The following PEX5 variants were observed in gnomAD, a reference collection of about 807,000 sequenced individuals.
The protein encoded by PEX5 is peroxisomal biogenesis factor 5.
Under a neutral mutation model 82.9 loss-of-function variants are expected in PEX5, and 52 were observed. The ratio of observed to expected loss-of-function variants is 0.63; its 90% CI spans 0.50 to 0.79. The LOEUF is 0.79. PEX5 is among the 30% of genes least tolerant of loss of function. The pLI, the probability that PEX5 is intolerant of heterozygous loss-of-function variation, is 0.00. For synonymous variants in PEX5, 300 were observed against 318.8 expected (o/e 0.94, Z 0.63); for missense variants, 719 against 815.2 (o/e 0.88, Z 1.44).
At position 7,195,008 on chromosome 12, in the gene PEX5, T is replaced by C. The variant is rs760664287; in HGVS notation, c.448+3308T>C. On this transcript the variant is annotated intron_variant, in intron 5 of 15. Transcript: ENST00000675855. ...GACATGGAAACTTAAGAAGGTTGAG[T>C]AACTAGTCTGAAGATGCACAGTGAA... Among the ~76,000 whole-genome samples, 5 of 152,336 alleles carry C rather than the reference T, an allele frequency of 3.3e-5. No individual in the cohort carries two copies. The South Asian group carries it at 6.2e-4, about 19-fold the overall frequency.
At position 7,202,705 on chromosome 12, in the gene PEX5, G is replaced by A; in HGVS notation, c.846+1G>A. 6.2e-7 allele frequency: 1 copy of A among 1,609,350 alleles called. No homozygotes were observed. Among genetic ancestry groups the A allele is most frequent in the South Asian group, 1.1e-5 (1 of 90,996 alleles). Reference sequence around the variant, plus strand: ...TGAACGAGCCAAGTCAGCTATAGAGGTGAGAGCAGATAGTGCAGGAGCAGA... The same window carrying A: ...TGAACGAGCCAAGTCAGCTATAGAGATGAGAGCAGATAGTGCAGGAGCAGA... On this transcript the variant is annotated splice_donor_variant, in intron 9 of 15. Transcript: ENST00000675855. LOFTEE classifies it high-confidence loss of function.
downstream of PEX5, among the ~76,000 whole-genome samples, chr12:7,215,113 T>G (rs1342890449): frequency 1.3e-5 from 2 of 152,108 alleles, no homozygotes; most frequent in African/African-American, 4.8e-5. Context: ...AACAGACACT[T>G]TTCAAAATAA....
intron 4 of PEX5, 31 bp downstream of exon 4, chr12:7,191,389 C>A: frequency 6.2e-7 from 1 of 1,613,958 alleles, no homozygotes; most frequent in Non-Finnish European, 8.5e-7. Context: ...GAGGGGAGAT[C>A]GTTTTCCATG....
At chr12:7,212,226 A>G (rs775206007), downstream of PEX5, among the ~76,000 whole-genome samples, 10 of 152,056 alleles carry the variant, frequency 6.6e-5, no homozygotes, top group African/African-American at 1.9e-4. Flanking sequence ...CGGCCTCCCA[A>G]AGTGCTGGGA....
intron 7 of PEX5, 179 bp from the exon 8 acceptor site, chr12:7,202,062 C>A: frequency 1.0e-6 from 1 of 987,410 alleles, no homozygotes; most frequent in Non-Finnish European, 1.5e-6. Context: ...CTTTGCAAGT[C>A]TTTAGAGCCA....
chr12:7,201,782 C>T lies in PEX5; in HGVS notation c.583C>T (p.Gln195Ter), dbSNP rs890363450. 1.1e-5 allele frequency: 17 copies of T among 1,613,762 alleles called. No individual in the cohort carries two copies. Among genetic ancestry groups the T allele is most frequent in the Non-Finnish European group, 1.2e-5 (14 of 1,179,806 alleles). ...YDEYHPEEDLQHTASDFVAKV... is the reference protein window; with the variant it reads ...YDEYHPEEDL Reference sequence around the variant, plus strand: ...TGAATATCATCCTGAGGAGGATCTGCAGCACACGGCCAGTGACTTTGTGGC... The same window carrying T: ...TGAATATCATCCTGAGGAGGATCTGTAGCACACGGCCAGTGACTTTGTGGC... The change falls in exon 7 of 16, where the codon CAG (glutamine) becomes TAG (stop). Residue 195 changes from glutamine (Q) to a stop codon, truncating the protein, a stop_gained. Transcript: ENST00000675855. LOFTEE classifies it high-confidence loss of function.
At chr12:7,199,837 ACCCC>A (rs1437539916) in intron 6 of PEX5, among the ~76,000 whole-genome samples, 1 of 121,788 alleles carries the variant, frequency 8.2e-6, no homozygotes, top group Non-Finnish European at 1.7e-5. Context: ...CGGGGGGCTG[ACCCC>A]CACCTCCCTC....
At chr12:7,194,036 C>T (rs1430221658) in intron 5 of PEX5, among the ~76,000 whole-genome samples, 2 of 152,092 alleles carry the variant, frequency 1.3e-5, no homozygotes, top group Non-Finnish European at 2.9e-5. Flanking sequence ...GAATTGAGAT[C>T]TGGGAGAAAA....
At chr12:7,211,866 G>A (rs138416684), downstream of PEX5, among the ~76,000 whole-genome samples, 14 of 151,946 alleles carry the variant, frequency 9.2e-5, no homozygotes, top group East Asian at 2.5e-3. Flanking sequence ...ATCAAGATGG[G>A]TATTTATCCT....
intron 2 of PEX5, 124 bp from the exon 3 acceptor site, chr12:7,190,764 G>A (rs1940929395): frequency 1.5e-6 from 2 of 1,305,974 alleles, no homozygotes; most frequent in South Asian, 2.4e-5. Context: ...AAAACCCTGT[G>A]CACCTTTAAA....
downstream of PEX5, among the ~76,000 whole-genome samples, chr12:7,216,278 A>C (rs749849034): frequency 1.4e-4 from 21 of 152,188 alleles, no homozygotes; most frequent in African/African-American, 4.8e-4. Flanking sequence ...CAAATTCCTT[A>C]AACACTCACA....
At chr12:7,214,114 C>A (rs1217041461), downstream of PEX5, among the ~76,000 whole-genome samples, 1 of 152,282 alleles carries the variant, frequency 6.6e-6, no homozygotes, top group East Asian at 1.9e-4. Flanking sequence ...AACACTTTTA[C>A]ACTGTTGGTG....
chr12:7,208,653 G>A lies in PEX5; in HGVS notation c.1378G>A (p.Gly460Arg). 6.2e-7 allele frequency: 1 copy of A among 1,613,542 alleles called. No homozygotes were observed. Among genetic ancestry groups the A allele is most frequent in the Non-Finnish European group, 8.5e-7 (1 of 1,179,640 alleles). Residue 460 changes from glycine (G) to arginine (R), a missense_variant, in exon 13 of 16, where the codon GGA becomes AGA. By Grantham distance (125) the Gly-to-Arg change is moderately radical. Coordinates refer to ENST00000675855, the MANE Select transcript of PEX5 (RefSeq NM_001351132.2). ...ACTGGGCCCCAGCAAGCGTATCCTG[G>A]GATCTCTCTTGTCTGAGTGAGTATG... ...AGLGPSKRIL[G>R]SLLSDSLFLE...
At chr12:7,203,224 C>CAG (rs1565707799) in intron 9 of PEX5, among the ~76,000 whole-genome samples, 2 of 143,854 alleles carry the variant, frequency 1.4e-5, no homozygotes, top group African/African-American at 2.6e-5. Context: ...CACTGCACTA[C>CAG]ATTACATTTC....
At chr12:7,201,134 T>TGC (rs1422979938) in intron 6 of PEX5, among the ~76,000 whole-genome samples, 1 of 97,964 alleles carries the variant, frequency 1.0e-5, no homozygotes, top group South Asian at 4.5e-4. Context: ...CATGTGTGCG[T>TGC]GCACACACAC....
At position 7,209,130 on chromosome 12, in the gene PEX5, C is replaced by T; in HGVS notation, c.1520C>T (p.Ala507Val). Reference protein sequence around the residue: ...LFNLSGEYDKAVDCFTAALSV... With the variant: ...LFNLSGEYDKVVDCFTAALSV... ...AACCTGAGTGGGGAGTATGACAAGGCCGTGGACTGCTTCACAGCTGCCCTC... is the reference window on the plus strand; with the variant it reads ...AACCTGAGTGGGGAGTATGACAAGGTCGTGGACTGCTTCACAGCTGCCCTC... Residue 507 changes from alanine to valine, a missense_variant, in exon 14 of 16, where the codon GCC becomes GTC. Transcript: ENST00000675855. The T allele has an allele frequency of 6.2e-7, 1 of 1,614,008 alleles. No homozygotes were observed. The highest frequency in any genetic ancestry group is 8.5e-7 in the Non-Finnish European group (1 of 1,179,968).
chr12:7,196,069 A>C (rs1452773592), intron 5 of PEX5, among the ~76,000 whole-genome samples: 1 of 145,680 alleles, frequency 6.9e-6, no homozygotes. Context: ...ATTATATATA[A>C]TGTATATATA....
intron 10 of PEX5, among the ~76,000 whole-genome samples, chr12:7,207,393 A>AAATAAGC: frequency 6.6e-6 from 1 of 152,152 alleles, no homozygotes; most frequent in Non-Finnish European, 1.5e-5. Context: ...TGACTTCCTA[A>AAATAAGC]AATAAGCTTA....
downstream of PEX5, among the ~76,000 whole-genome samples, chr12:7,214,564 T>C (rs1235431287): frequency 1.1e-5 from 1 of 88,548 alleles, no homozygotes; most frequent in Non-Finnish European, 2.1e-5. Flanking sequence ...TGGGGACTGT[T>C]GTGGGGTGGG....
Sources: allele counts gnomAD v4.1 joint callset (sites outside exome capture counted in the v4.1 genomes callset), GRCh38; gene constraint gnomAD v4.1.1; transcripts MANE v1.5; gene names NCBI Gene and HGNC (gene_info 2026-07-23, HGNC 2026-07-21).